The following PRDX4 variants were observed in gnomAD, a reference collection of about 807,000 sequenced individuals.
PRDX4 encodes the protein peroxiredoxin-4.
In PRDX4, 12 loss-of-function variants were observed where a neutral mutation model predicts 20.5. That is an observed-to-expected ratio of 0.58 (90% confidence interval 0.37 to 0.95). The LOEUF (loss-of-function observed/expected upper bound fraction) is 0.95, where lower values mean the gene tolerates loss of function less well. PRDX4 is among the 40% of genes least tolerant of loss of function. PRDX4 has a pLI of 0.01. For missense variants in PRDX4, 180 were observed against 207.3 expected, an observed-to-expected ratio of 0.87 and a Z score of 0.81; for synonymous variants, 99 against 87.5, an observed-to-expected ratio of 1.13 and a Z score of -0.73.
At chrX:23,668,916 CTTT>C (rs67936153) in intron 1 of PRDX4, among the ~76,000 whole-genome samples, 13 of 101,978 alleles carry the variant, frequency 1.3e-4, no homozygotes, top group Non-Finnish European at 1.2e-4. Flanking sequence ...CACTTTGGGA[CTTT>C]TTTTTTTTTT....
rs1344376070 is a variant in PRDX4 at position 23,667,797 on chromosome X, T to C, written c.227T>C (p.Leu76Pro). ...TCGGTCGCCGACCACTCCCTGCACC[T>C]AAGCAAAGCGAAGAGTAGGTGGTGT... ...RVSVADHSLH[L>P]SKAKISKPAP... Residue 76 changes from leucine to proline, a missense_variant, in exon 1 of 7, where the codon CTA becomes CCA. By Grantham distance (98) the Leu-to-Pro change is moderately conservative (BLOSUM62 -3). This residue lies in a region of PRDX4 where 105 missense variants were observed against 114.2 expected (regional missense o/e 0.92). Coordinates refer to ENST00000379341, the MANE Select transcript of PRDX4 (RefSeq NM_006406.2). 1.7e-6 allele frequency: 2 copies of C among 1,210,901 alleles called. No homozygotes were observed. Among genetic ancestry groups the C allele is most frequent in the Admixed American group, 4.3e-5 (2 of 46,062 alleles).
At chrX:23,677,327 G>T (rs769261548) in intron 3 of PRDX4, among the ~76,000 whole-genome samples, 1 of 111,252 alleles carries the variant, frequency 9.0e-6, no homozygotes, top group Non-Finnish European at 1.9e-5. Context: ...TCAAGTTACA[G>T]AATACAGATT....
chrX:23,679,559 G>A (rs1475802792), intron 4 of PRDX4, among the ~76,000 whole-genome samples: 1 of 109,916 alleles, frequency 9.1e-6, no homozygotes, highest in Non-Finnish European at 1.9e-5. Flanking sequence ...GGTGGCGTAT[G>A]CCTGTAGTCC....
At chrX:23,669,353 A>G (rs1927798963) in intron 1 of PRDX4, among the ~76,000 whole-genome samples, 2 of 112,264 alleles carry the variant, frequency 1.8e-5, no homozygotes, top group African/African-American at 6.5e-5. Context: ...CATTACATAT[A>G]TTTTCCATAG....
At chrX:23,669,994 T>C (rs1227855445) in intron 1 of PRDX4, among the ~76,000 whole-genome samples, 2 of 111,354 alleles carry the variant, frequency 1.8e-5, no homozygotes, top group Non-Finnish European at 3.8e-5. Context: ...TAACAGTAGT[T>C]GATGGGAGTT....
chrX:23,671,593 G>A lies in PRDX4; in HGVS notation c.306G>A (p.Lys102=). Residue 102 remains lysine, a synonymous_variant, in exon 2 of 7, where the codon AAG becomes AAA. Coordinates refer to ENST00000379341, the MANE Select transcript of PRDX4 (RefSeq NM_006406.2). The stretch of plus-strand genomic sequence containing the variant: ...TCGATGGAGAATTTAAGGAGCTGAA[G>A]TTAACTGATTATCGTGGGAAATACT... ...AVIDGEFKEL[K]LTDYRGKYLV... 5 of 1,208,448 alleles carry A rather than the reference G, an allele frequency of 4.1e-6. No homozygotes were observed. The highest frequency in any genetic ancestry group is 5.6e-6 in the Non-Finnish European group (5 of 894,232).
chrX:23,682,853 A>AAAAAAAAAAAAAATATATATATAT (rs1555933130), intron 5 of PRDX4, among the ~76,000 whole-genome samples: 1 of 14,878 alleles, frequency 6.7e-5, no homozygotes, highest in Non-Finnish European at 1.3e-4. Context: ...AAAAAAAAAA[A>AAAAAAAAAAAAAATATATATATAT]ATATATATAT....
At chrX:23,682,853 A>AAAAAAAAATAT (rs1555933130) in intron 5 of PRDX4, among the ~76,000 whole-genome samples, 2 of 14,872 alleles carry the variant, frequency 1.3e-4, no homozygotes, top group Admixed American at 1.2e-3. Flanking sequence ...AAAAAAAAAA[A>AAAAAAAAATAT]ATATATATAT....
intron 4 of PRDX4, among the ~76,000 whole-genome samples, chrX:23,681,202 C>A (rs1444009456): frequency 2.8e-5 from 3 of 106,526 alleles, no homozygotes; most frequent in African/African-American, 1.0e-4. Context: ...CACTGCACTT[C>A]AGCCTGGGCG....
intron 6 of PRDX4, among the ~76,000 whole-genome samples, chrX:23,685,393 A>G (rs1275496599): frequency 4.5e-5 from 5 of 111,992 alleles, no homozygotes; most frequent in Non-Finnish European, 7.5e-5. Flanking sequence ...ATTTCTTTCT[A>G]TAAGCCTCAT....
chrX:23,686,203 C>A, intron 6 of PRDX4, 82 bp from the exon 7 acceptor site: 1 of 717,519 alleles, frequency 1.4e-6, no homozygotes, highest in Non-Finnish European at 2.1e-6. Context: ...TTAGTCAAGG[C>A]ATGGGCAACT....
At chrX:23,682,853 A>AATATATATATAT (rs1173209030) in intron 5 of PRDX4, among the ~76,000 whole-genome samples, 155 of 14,846 alleles carry the variant, frequency 0.01, 3 homozygotes, top group Middle Eastern at 0.029. Context: ...AAAAAAAAAA[A>AATATATATATAT]ATATATATAT....
chrX:23,685,991 G>T (rs1282964845), intron 6 of PRDX4: 1 of 390,638 alleles, frequency 2.6e-6, no homozygotes. Flanking sequence ...AAATGTGTTT[G>T]ACTTAATTAG....
chrX:23,670,729 C>T (rs1927826604), intron 1 of PRDX4, among the ~76,000 whole-genome samples: 1 of 112,127 alleles, frequency 8.9e-6, no homozygotes, highest in South Asian at 3.7e-4. Context: ...CACTTGAAAC[C>T]TGTTCAAGGG....
At chrX:23,678,808 G>A (rs971344300) in intron 3 of PRDX4, among the ~76,000 whole-genome samples, 5 of 110,792 alleles carry the variant, frequency 4.5e-5, no homozygotes, top group Admixed American at 1.9e-4. Flanking sequence ...GTGGGATGGT[G>A]CACACCTGTA....
intron 3 of PRDX4, among the ~76,000 whole-genome samples, chrX:23,676,377 A>T (rs1927950072): frequency 9.0e-6 from 1 of 110,992 alleles, no homozygotes; most frequent in African/African-American, 3.3e-5. Flanking sequence ...TGAATTCCTT[A>T]AGTATCTCAA....
chrX:23,681,723 T>C (rs760929713), intron 4 of PRDX4, among the ~76,000 whole-genome samples: 39 of 112,426 alleles, frequency 3.5e-4, no homozygotes, highest in Non-Finnish European at 6.6e-4. Flanking sequence ...TTATTTGACC[T>C]GAGCCAGTAG....
chrX:23,669,079 C>G (rs1927791334), intron 1 of PRDX4, among the ~76,000 whole-genome samples: 1 of 110,783 alleles, frequency 9.0e-6, no homozygotes, highest in South Asian at 3.8e-4. Flanking sequence ...GCGCGCACCA[C>G]CACACCCGGC....
At chrX:23,679,714 C>G (rs1036774347) in intron 4 of PRDX4, among the ~76,000 whole-genome samples, 7 of 106,045 alleles carry the variant, frequency 6.6e-5, no homozygotes, top group African/African-American at 2.4e-4. Context: ...CATGGTGGCT[C>G]ACGCCTATAA....
Sources: allele counts gnomAD v4.1 joint callset (sites outside exome capture counted in the v4.1 genomes callset), GRCh38; gene constraint gnomAD v4.1.1; regional missense constraint gnomAD v4.1.1; transcripts MANE v1.5; gene names NCBI Gene and HGNC (gene_info 2026-07-23, HGNC 2026-07-21).